Variants in PRIMA1 observed in about 807,000 individuals in gnomAD.
PRIMA1 encodes proline rich membrane anchor 1, also known as proline-rich membrane anchor 1.
In PRIMA1, 7 loss-of-function variants were observed where a neutral mutation model predicts 17.5. That is an observed-to-expected ratio of 0.40 (90% CI 0.23 to 0.75). The LOEUF (loss-of-function observed/expected upper bound fraction) is 0.75. Ranked by LOEUF, PRIMA1 falls within the 30% of genes least tolerant of loss-of-function variation. The pLI is 0.37. For synonymous variants in PRIMA1, 97 were observed against 77.9 expected (o/e 1.25, Z -1.29); for missense variants, 200 against 201.8 (o/e 0.99, Z 0.05).
chr14:93,768,175 C>T (rs1424316076), intron 3 of PRIMA1, among the ~76,000 whole-genome samples: 1 of 152,108 alleles, frequency 6.6e-6, no homozygotes, highest in Non-Finnish European at 1.5e-5. Flanking sequence ...ACACGTGTCC[C>T]TTTTTCCACC....
At chr14:93,750,057 C>T (rs1456084980) in intron 3 of PRIMA1, among the ~76,000 whole-genome samples, 1 of 152,156 alleles carries the variant, frequency 6.6e-6, no homozygotes, top group Non-Finnish European at 1.5e-5. Context: ...TGGCACATGC[C>T]TGTAGTCCCT....
At chr14:93,735,594 C>T (rs2076144646) in intron 4 of PRIMA1, among the ~76,000 whole-genome samples, 1 of 152,158 alleles carries the variant, frequency 6.6e-6, no homozygotes, top group South Asian at 2.1e-4. Context: ...GTATGCCCAC[C>T]AAGCCTGGCA....
At chr14:93,785,017 C>G (rs1049058528) in intron 2 of PRIMA1, among the ~76,000 whole-genome samples, 1 of 151,986 alleles carries the variant, frequency 6.6e-6, no homozygotes, top group Non-Finnish European at 1.5e-5. Flanking sequence ...CACACAGAGA[C>G]CCATAAGGCC....
intron 2 of PRIMA1, among the ~76,000 whole-genome samples, chr14:93,784,714 C>T (rs1885472368): frequency 6.6e-6 from 1 of 152,176 alleles, no homozygotes; most frequent in Non-Finnish European, 1.5e-5. Flanking sequence ...AACTTCTCAT[C>T]CTTCATGTCT....
rs148887181 is a variant in PRIMA1, at chr14:93,774,872, T to G, written c.229+4304A>C. On this transcript the variant is annotated intron_variant, in intron 3 of 4. Coordinates refer to ENST00000393140, the MANE Select transcript of PRIMA1 (RefSeq NM_178013.4). ...CCTCAACTCAACCCCATGGGGTGGG[T>G]GTGGCCCATGACCTATTTTATAGAG... 8.2e-3 allele frequency among the ~76,000 whole-genome samples: 1,244 copies of G among 152,300 alleles called. 18 individuals are homozygous for G. Among genetic ancestry groups the G allele is most frequent in the African/African-American group, 0.029 (1,196 of 41,556 alleles).
At chr14:93,786,808 G>C (rs1204641684) in intron 2 of PRIMA1, among the ~76,000 whole-genome samples, 3 of 152,166 alleles carry the variant, frequency 2.0e-5, no homozygotes, top group Admixed American at 2.0e-4. Flanking sequence ...TTTCATCATG[G>C]ACCTGGCACT....
chr14:93,763,244 G>A (rs1012707188), intron 3 of PRIMA1, among the ~76,000 whole-genome samples: 2 of 152,074 alleles, frequency 1.3e-5, no homozygotes, highest in Non-Finnish European at 2.9e-5. Context: ...CCTGCCTCCC[G>A]AGCCTCAGCT....
At chr14:93,757,736 G>T (rs184840481) in intron 3 of PRIMA1, among the ~76,000 whole-genome samples, 7 of 152,270 alleles carry the variant, frequency 4.6e-5, no homozygotes, top group African/African-American at 1.7e-4. Context: ...GGGAAAAAAA[G>T]GAATGAAGGG....
At chr14:93,752,279 GA>G (rs1566970382) in intron 3 of PRIMA1, among the ~76,000 whole-genome samples, 2 of 152,168 alleles carry the variant, frequency 1.3e-5, no homozygotes, top group Admixed American at 1.3e-4. Context: ...TGAGGGTTCC[GA>G]AGGTCAAAGA....
intron 3 of PRIMA1, among the ~76,000 whole-genome samples, chr14:93,764,743 C>T (rs1166819215): frequency 3.9e-5 from 6 of 152,102 alleles, no homozygotes; most frequent in South Asian, 2.1e-4. Flanking sequence ...TAGCTAGAGC[C>T]GCAGAGGGGA....
At chr14:93,777,868 G>A (rs1885266565) in intron 3 of PRIMA1, among the ~76,000 whole-genome samples, 1 of 152,212 alleles carries the variant, frequency 6.6e-6, no homozygotes, top group Non-Finnish European at 1.5e-5. Flanking sequence ...AGACCTGAAG[G>A]GATGCTAGCT....
At chr14:93,755,216 ATGTG>A (rs148307848) in intron 3 of PRIMA1, among the ~76,000 whole-genome samples, 2 of 151,678 alleles carry the variant, frequency 1.3e-5, no homozygotes, top group African/African-American at 2.4e-5. Context: ...TTTCAAGATG[ATGTG>A]TGTGTGTGTG....
intron 3 of PRIMA1, among the ~76,000 whole-genome samples, chr14:93,775,355 C>A (rs566341259): frequency 6.6e-6 from 1 of 152,352 alleles, no homozygotes; most frequent in South Asian, 2.1e-4. Context: ...TGGCACCATG[C>A]CCCACATTTG....
chr14:93,747,933 ATGTGAG>A (rs1302329083), intron 3 of PRIMA1, among the ~76,000 whole-genome samples: 10 of 61,682 alleles, frequency 1.6e-4, no homozygotes, highest in South Asian at 4.8e-4. Flanking sequence ...GAGTGTGATT[ATGTGAG>A]TGTGTGTGTA....
intron 3 of PRIMA1, among the ~76,000 whole-genome samples, chr14:93,777,345 C>CT (rs200228526): frequency 0.01 from 982 of 93,842 alleles, 10 homozygotes; most frequent in African/African-American, 0.025. Context: ...CCCATTCATT[C>CT]TTTTTTTTTG....
chr14:93,775,534 T>C (rs1045679228), intron 3 of PRIMA1, among the ~76,000 whole-genome samples: 6 of 152,234 alleles, frequency 3.9e-5, no homozygotes, highest in Non-Finnish European at 7.3e-5. Context: ...GTTACGCTCT[T>C]ATTGCCCAGG....
At chr14:93,771,600 T>C (rs1423129635) in intron 3 of PRIMA1, among the ~76,000 whole-genome samples, 2 of 152,162 alleles carry the variant, frequency 1.3e-5, no homozygotes, top group Non-Finnish European at 2.9e-5. Context: ...TCAACTCCTG[T>C]AGCAGCAAGA....
At chr14:93,766,735 C>T (rs1595217152) in intron 3 of PRIMA1, among the ~76,000 whole-genome samples, 1 of 108,302 alleles carries the variant, frequency 9.2e-6, no homozygotes, top group Non-Finnish European at 1.9e-5. Context: ...CCAGCAAAGA[C>T]CCCTTGCAGA....
intron 3 of PRIMA1, among the ~76,000 whole-genome samples, chr14:93,778,908 G>A (rs1885299847): frequency 6.6e-6 from 1 of 151,798 alleles, no homozygotes; most frequent in Non-Finnish European, 1.5e-5. Context: ...CTGGCCTTCG[G>A]AACTATCCAG....
Sources: gnomAD v4.1 joint callset for allele counts (sites outside exome capture counted in the v4.1 genomes callset) on GRCh38, gnomAD v4.1.1 for gene constraint, MANE v1.5 for transcripts, NCBI Gene and HGNC (gene_info 2026-07-23, HGNC 2026-07-21) for gene names.